The following ULK2 variants were observed in gnomAD, a reference collection of about 807,000 sequenced individuals.
ULK2 encodes unc-51 like autophagy activating kinase 2, also known as serine/threonine-protein kinase ULK2.
Under a neutral mutation model 127.5 loss-of-function variants are expected in ULK2, and 76 were observed. The observed-to-expected ratio is 0.60, with a 90% CI of 0.50 to 0.72. The LOEUF (loss-of-function observed/expected upper bound fraction) is 0.72, where lower values mean the gene tolerates loss of function less well. Among genes scored for constraint, ULK2 ranks in the 30% least tolerant of loss-of-function variants. ULK2 has a pLI of 0.00. For missense variants in ULK2, 1,144 were observed against 1,295.9 expected, an observed-to-expected ratio of 0.88 and a Z score of 1.80; for synonymous variants, 452 against 461.9, an observed-to-expected ratio of 0.98 and a Z score of 0.28.
rs1288770654 is a variant in ULK2, at chr17:19,773,724, G to A, written c.*2625C>T. On this transcript the variant is annotated 3_prime_UTR_variant, in exon 27 of 27. Coordinates refer to ENST00000395544, the MANE Select transcript of ULK2 (RefSeq NM_014683.4). The stretch of plus-strand genomic sequence containing the variant: ...AGGATGGCTGCACAGAGTACTCCTG[G>A]CAGGCAGAAGGGGGCGTGGGGACCC... 1.3e-5 allele frequency: 2 copies of A among 152,206 alleles called. No individual in the cohort carries two copies. The highest frequency in any genetic ancestry group is 4.8e-5 in the African/African-American group (2 of 41,422). The allele number at this position is 152,206 out of a possible 1,614,324, so 9.4% of individuals were successfully genotyped here.
chr17:19,778,240 G>T (rs1265111997), intron 25 of ULK2, among the ~76,000 whole-genome samples: 1 of 152,226 alleles, frequency 6.6e-6, no homozygotes, highest in East Asian at 1.9e-4. Flanking sequence ...TTGCAGTCTG[G>T]AGGGAGATAC....
chr17:19,796,364 C>A, intron 18 of ULK2, 82 bp from the exon 19 acceptor site: 1 of 1,286,316 alleles, frequency 7.8e-7, no homozygotes, highest in Non-Finnish European at 1.0e-6. Context: ...GTTTGTGTGA[C>A]CCAGTAGTCA....
chr17:19,783,888 CG>C lies in ULK2; in HGVS notation c.2268del (p.Gly758AlafsTer6). On this transcript the variant is annotated frameshift_variant, in exon 22 of 27. Transcript: ENST00000395544. LOFTEE classifies it high-confidence loss of function. ...CCACTCATGGCACAAAGAGAGCCCC[CG>C]GAGTTGCTGGGCCCCACTACAAGGA... ...TRTTSVGPSN[S>X]GGSLCAMSGR... 3.3e-6 allele frequency: 5 copies of C among 1,521,602 alleles called. No individual in the cohort carries two copies. The highest frequency in any genetic ancestry group is 4.4e-6 in the Non-Finnish European group (5 of 1,133,050). The allele number at this position is 1,521,602 out of a possible 1,614,324, so 94.3% of individuals were successfully genotyped here.
intron 25 of ULK2, 60 bp from the exon 26 acceptor site, chr17:19,777,776 T>A (rs941352087): frequency 3.0e-5 from 47 of 1,556,000 alleles, no homozygotes; most frequent in Non-Finnish European, 4.0e-5. Flanking sequence ...ACAAATCCAT[T>A]TGGGCAATGA....
At chr17:19,862,906 A>G (rs548676033) in intron 3 of ULK2, among the ~76,000 whole-genome samples, 2 of 152,236 alleles carry the variant, frequency 1.3e-5, no homozygotes, top group East Asian at 1.9e-4. Flanking sequence ...CTGGCACATA[A>G]TAGTCACTCA....
At chr17:19,826,485 C>T (rs922472040) in intron 10 of ULK2, among the ~76,000 whole-genome samples, 1 of 152,174 alleles carries the variant, frequency 6.6e-6, no homozygotes, top group Non-Finnish European at 1.5e-5. Flanking sequence ...TGTTCTCTAA[C>T]GTATGCCACC....
At chr17:19,838,085 T>G (rs1281939727) in intron 10 of ULK2, among the ~76,000 whole-genome samples, 2 of 152,164 alleles carry the variant, frequency 1.3e-5, no homozygotes, top group African/African-American at 4.8e-5. Context: ...CCCACAGATA[T>G]CCACATGGCT....
At chr17:19,823,847 G>A (rs1336543433) in intron 12 of ULK2, among the ~76,000 whole-genome samples, 8 of 152,104 alleles carry the variant, frequency 5.3e-5, no homozygotes, top group Admixed American at 2.6e-4. Flanking sequence ...ATGAATTTGC[G>A]GGGCTGTGTA....
At chr17:19,836,753 A>G (rs2152395756) in intron 10 of ULK2, among the ~76,000 whole-genome samples, 1 of 151,632 alleles carries the variant, frequency 6.6e-6, no homozygotes, top group Middle Eastern at 3.4e-3. Flanking sequence ...AAAAATATAA[A>G]AAATTAGCTG....
At chr17:19,795,573 G>A (rs2087250770) in intron 20 of ULK2, 49 bp downstream of exon 20, 1 of 1,444,224 alleles carries the variant, frequency 6.9e-7, no homozygotes, top group Non-Finnish European at 9.7e-7. Context: ...AGAAACAAAT[G>A]CATATGCTAG....
At chr17:19,823,995 T>TA (rs2041225752) in intron 12 of ULK2, among the ~76,000 whole-genome samples, 2 of 152,172 alleles carry the variant, frequency 1.3e-5, no homozygotes, top group Non-Finnish European at 2.9e-5. Flanking sequence ...TACACTCACT[T>TA]ATCCCTGAAG....
At chr17:19,777,357 G>A (rs1287386927) in intron 26 of ULK2, among the ~76,000 whole-genome samples, 1 of 152,156 alleles carries the variant, frequency 6.6e-6, no homozygotes, top group Non-Finnish European at 1.5e-5. Flanking sequence ...CGCCCACCTT[G>A]GCCTCCCAAA....
intron 19 of ULK2, 101 bp from the exon 20 acceptor site, chr17:19,795,826 C>T: frequency 8.9e-7 from 1 of 1,125,104 alleles, no homozygotes; most frequent in East Asian, 2.4e-5. Context: ...AAATAGATAC[C>T]AAACAATTCA....
intron 5 of ULK2, 28 bp downstream of exon 5, chr17:19,849,341 C>T (rs1279187402): frequency 6.2e-7 from 1 of 1,601,222 alleles, no homozygotes; most frequent in Middle Eastern, 1.7e-4. Context: ...ACTGTCTTTA[C>T]TGAACACTGA....
intron 9 of ULK2, among the ~76,000 whole-genome samples, chr17:19,840,819 G>A (rs192598121): frequency 6.6e-6 from 1 of 151,940 alleles, no homozygotes; most frequent in East Asian, 1.9e-4. Context: ...AACTCGGGAG[G>A]GGGAGGCTGC....
rs2042390358 is a variant in ULK2 at position 19,867,866 on chromosome 17, G to A, written c.-449C>T. The A allele has an allele frequency of 6.6e-6, 1 of 150,976 alleles. No individual in the cohort carries two copies. Among genetic ancestry groups the A allele is most frequent in the South Asian group, 2.1e-4 (1 of 4,826 alleles). The allele number at this position is 150,976 out of a possible 1,614,324, so 9.4% of individuals were successfully genotyped here. ...CCGCCGCCCTAGAACCCGCACCGCC[G>A]CGGCCCCGCGCTTCCCCGCCTCGCG... On this transcript the variant is annotated 5_prime_UTR_variant, in exon 1 of 27. Coordinates refer to ENST00000395544, the MANE Select transcript of ULK2 (RefSeq NM_014683.4).
chr17:19,821,684 T>C (rs2041149167), intron 12 of ULK2, among the ~76,000 whole-genome samples: 1 of 152,192 alleles, frequency 6.6e-6, no homozygotes, highest in African/African-American at 2.4e-5. Flanking sequence ...TACTTTCCTT[T>C]TTTCCCCTGC....
rs2086897440 is a variant in ULK2 at position 19,780,572 on chromosome 17, G to T, written c.2816C>A (p.Thr939Lys). The change falls in exon 25 of 27, where the codon ACA becomes AAA. Residue 939 changes from threonine to lysine, a missense_variant. By Grantham distance (78) the Thr-to-Lys change is moderately conservative. Transcript: ENST00000395544. Reference sequence around the variant, plus strand: ...AGAGAAGAATCGATTCAGCTTTTCTGTAAGTTTCTTGCACATGGTGATGCA... The same window carrying T: ...AGAGAAGAATCGATTCAGCTTTTCTTTAAGTTTCTTGCACATGGTGATGCA... ...KFCITMCKKL[T>K]EKLNRFFSDK... The T allele has an allele frequency of 6.2e-7, 1 of 1,613,828 alleles. No homozygotes were observed. The highest frequency in any genetic ancestry group is 8.5e-7 in the Non-Finnish European group (1 of 1,179,904).
Position 19,826,184 on chromosome 17 carries a change from C to T in ULK2, c.790G>A (p.Ala264Thr). The T allele has an allele frequency of 2.8e-6, 4 of 1,452,718 alleles. No homozygotes were observed. Among genetic ancestry groups the T allele is most frequent in the Non-Finnish European group, 3.7e-6 (4 of 1,088,706 alleles). 90.0% of individuals were successfully genotyped at this position (1,452,718 alleles called of 1,614,324 possible). ...RNQKDRMDFE[A>T]FFSHPFLEQG... The stretch of plus-strand genomic sequence containing the variant: ...TCAAGAAAAGGATGGCTAAAAAATG[C>T]TTCTGTAACAAGAAATGAGAATGCA... Residue 264 changes from alanine to threonine, a missense_variant and splice_region_variant, in exon 11 of 27, where the codon GCA (alanine) becomes ACA (threonine). By Grantham distance (58) the Ala-to-Thr change is moderately conservative. Transcript: ENST00000395544.
Sources: gnomAD v4.1 joint callset for allele counts (sites outside exome capture counted in the v4.1 genomes callset) on GRCh38, gnomAD v4.1.1 for gene constraint, MANE v1.5 for transcripts, NCBI Gene and HGNC (gene_info 2026-07-23, HGNC 2026-07-21) for gene names.